The following ST18 variants were observed in gnomAD, a reference collection of about 807,000 sequenced individuals.
ST18 encodes suppression of tumorigenicity 18 protein.
ST18 carries 50 observed loss-of-function variants against 110.0 expected under a neutral mutation model. The ratio of observed to expected loss-of-function variants is 0.45; its 90% CI spans 0.36 to 0.58. ST18 has a LOEUF of 0.58. Ranked by LOEUF, ST18 falls within the 20% of genes least tolerant of loss-of-function variation. ST18 has a pLI of 0.00. For missense variants in ST18, 1,306 were observed against 1,280.1 expected, an observed-to-expected ratio of 1.02 and a Z score of -0.31; for synonymous variants, 461 against 452.4, an observed-to-expected ratio of 1.02 and a Z score of -0.24.
intron 2 of ST18, among the ~76,000 whole-genome samples, chr8:52,281,121 A>G (rs1418650600): frequency 6.6e-6 from 1 of 152,162 alleles, no homozygotes; most frequent in African/African-American, 2.4e-5. Context: ...CTCTTACAGA[A>G]AAATAACAAA....
chr8:52,337,151 G>GT (rs1389859599), intron 2 of ST18, among the ~76,000 whole-genome samples: 1 of 152,158 alleles, frequency 6.6e-6, no homozygotes, highest in East Asian at 1.9e-4. Context: ...AAAGATGTTT[G>GT]TTTTTTCAAA....
At chr8:52,314,917 T>C (rs1467466296) in intron 2 of ST18, among the ~76,000 whole-genome samples, 1 of 151,874 alleles carries the variant, frequency 6.6e-6, no homozygotes, top group Non-Finnish European at 1.5e-5. Context: ...GCCTAAGAGG[T>C]TCAGACCTCA....
Position 52,305,026 on chromosome 8 carries a change from T to A in ST18, c.-464-74949A>T, listed in dbSNP as rs149440275. Reference sequence around the variant, plus strand: ...GACTATAAAATTTAGGTAATCCATGTAATTTAAAATGTAGGAAGTACATTG... The same window carrying A: ...GACTATAAAATTTAGGTAATCCATGAAATTTAAAATGTAGGAAGTACATTG... On this transcript the variant is annotated intron_variant, in intron 2 of 25. Transcript: ENST00000689386. Among the ~76,000 whole-genome samples, 164 of 152,360 alleles carry A rather than the reference T, an allele frequency of 1.1e-3. 2 individuals carry two copies. Among genetic ancestry groups the A allele is most frequent in the African/African-American group, 3.8e-3 (156 of 41,584 alleles).
At chr8:52,214,303 C>T (rs1459509134) in intron 6 of ST18, 46 bp from the exon 7 acceptor site, 1 of 1,595,206 alleles carries the variant, frequency 6.3e-7, no homozygotes, top group Non-Finnish European at 8.6e-7. Context: ...TTGACATTGA[C>T]CAAAATATGA....
At chr8:52,400,338 A>G (rs747940017) in intron 2 of ST18, among the ~76,000 whole-genome samples, 1 of 152,018 alleles carries the variant, frequency 6.6e-6, no homozygotes, top group Non-Finnish European at 1.5e-5. Context: ...ATAAAGTTGG[A>G]TGTTGGGTTT....
chr8:52,388,603 G>A (rs551969204), intron 2 of ST18, among the ~76,000 whole-genome samples: 1 of 151,974 alleles, frequency 6.6e-6, no homozygotes, highest in Non-Finnish European at 1.5e-5. Context: ...GAGTGATTTC[G>A]CACGGCGCAC....
At chr8:52,355,516 A>G (rs990982265) in intron 2 of ST18, among the ~76,000 whole-genome samples, 3 of 152,380 alleles carry the variant, frequency 2.0e-5, no homozygotes, top group South Asian at 4.1e-4. Flanking sequence ...TCGGTTCAAA[A>G]TGACAGAGGT....
chr8:52,261,524 T>A, intron 2 of ST18, among the ~76,000 whole-genome samples: 1 of 152,214 alleles, frequency 6.6e-6, no homozygotes, highest in African/African-American at 2.4e-5. Context: ...ACTTTCTCAA[T>A]CTTAGCAGGA....
At chr8:52,195,198 T>C (rs1361040354) in intron 8 of ST18, among the ~76,000 whole-genome samples, 2 of 152,120 alleles carry the variant, frequency 1.3e-5, no homozygotes, top group African/African-American at 2.4e-5. Context: ...AAGTTGAATA[T>C]AATAAGATAA....
At chr8:52,328,934 TA>T (rs1410781662) in intron 2 of ST18, among the ~76,000 whole-genome samples, 8 of 152,250 alleles carry the variant, frequency 5.3e-5, no homozygotes, top group Admixed American at 1.3e-4. Context: ...TAATTCACAT[TA>T]AAACTTGGTA....
intron 8 of ST18, among the ~76,000 whole-genome samples, chr8:52,181,664 A>G (rs1255931758): frequency 6.6e-6 from 1 of 152,194 alleles, no homozygotes; most frequent in East Asian, 1.9e-4. Flanking sequence ...AGTACAGAAT[A>G]TGGAGCAAAA....
Position 52,409,682 on chromosome 8 carries a change from C to T in ST18, c.-724G>A, listed in dbSNP as rs1011403523. The T allele has an allele frequency of 6.6e-6, 1 of 152,204 alleles. No individual in the cohort carries two copies. The highest frequency in any genetic ancestry group is 2.4e-5 in the African/African-American group (1 of 41,444). 9.4% of individuals were successfully genotyped at this position (152,204 alleles called of 1,614,324 possible). On this transcript the variant is annotated 5_prime_UTR_variant, in exon 1 of 26. Transcript: ENST00000689386. ...ACCTCAATTATTTTTCTCTCCTTAC[C>T]TCTAGTATTCCCCTGAGGTCACATT...
chr8:52,308,555 G>A (rs893486365), intron 2 of ST18, among the ~76,000 whole-genome samples: 3 of 152,186 alleles, frequency 2.0e-5, no homozygotes, highest in Non-Finnish European at 4.4e-5. Context: ...GGAAAAAAAT[G>A]TTTGATGATT....
chr8:52,317,229 G>A (rs1051678376), intron 2 of ST18, among the ~76,000 whole-genome samples: 1 of 152,114 alleles, frequency 6.6e-6, no homozygotes, highest in Non-Finnish European at 1.5e-5. Flanking sequence ...TTAATTTAGG[G>A]ATCTTGATGA....
intron 2 of ST18, among the ~76,000 whole-genome samples, chr8:52,324,738 T>A (rs1805523290): frequency 6.6e-6 from 1 of 152,216 alleles, no homozygotes; most frequent in South Asian, 2.1e-4. Flanking sequence ...ACATTTTTAG[T>A]GATTATACTG....
At chr8:52,374,474 G>C (rs10104422) in intron 2 of ST18, among the ~76,000 whole-genome samples, 24,713 of 152,060 alleles carry the variant, frequency 0.16, 3,437 homozygotes, top group African/African-American at 0.38. Context: ...CCTGAACTAT[G>C]AGAAAATCAA....
chr8:52,333,528 A>G (rs16917709), intron 2 of ST18, among the ~76,000 whole-genome samples: 23,636 of 152,236 alleles, frequency 0.16, 2,083 homozygotes, highest in African/African-American at 0.25. Flanking sequence ...GAGAACAATA[A>G]GATTCTTGAA....
intron 2 of ST18, among the ~76,000 whole-genome samples, chr8:52,275,372 C>T (rs931814472): frequency 6.6e-6 from 1 of 152,130 alleles, no homozygotes; most frequent in African/African-American, 2.4e-5. Context: ...ATGACTTTTG[C>T]TAAAGTTCAG....
intron 8 of ST18, among the ~76,000 whole-genome samples, chr8:52,207,136 C>A (rs72641884): frequency 0.032 from 4,924 of 152,184 alleles, 156 homozygotes; most frequent in East Asian, 0.11. Context: ...AACAAGAAAG[C>A]CATCTAGATC....
Sources: gnomAD v4.1 joint callset for allele counts (sites outside exome capture counted in the v4.1 genomes callset) on GRCh38, gnomAD v4.1.1 for gene constraint, MANE v1.5 for transcripts, NCBI Gene and HGNC (gene_info 2026-07-23, HGNC 2026-07-21) for gene names.